The following PLCG2 variants were observed in gnomAD, a reference collection of about 807,000 sequenced individuals.
PLCG2 encodes 1-phosphatidylinositol 4,5-bisphosphate phosphodiesterase gamma-2.
Under a neutral mutation model 175.6 loss-of-function variants are expected in PLCG2, and 69 were observed. The observed-to-expected ratio is 0.39, with a 90% CI of 0.32 to 0.48. PLCG2 has a LOEUF of 0.48. Among genes scored for constraint, PLCG2 ranks in the 20% least tolerant of loss-of-function variants. The pLI is 0.91. For missense variants in PLCG2, 1,798 were observed against 1,650.9 expected (o/e 1.09, Z -1.54); for synonymous variants, 827 against 624.0 (o/e 1.33, Z -4.85).
chr16:81,860,642 G>C (rs1187552649), intron 5 of PLCG2, among the ~76,000 whole-genome samples: 1 of 151,998 alleles, frequency 6.6e-6, no homozygotes, highest in Non-Finnish European at 1.5e-5. Flanking sequence ...TTATGTTTTT[G>C]AGGTATGATT....
At chr16:81,786,798 G>C (rs981608030) in intron 2 of PLCG2, among the ~76,000 whole-genome samples, 1 of 152,192 alleles carries the variant, frequency 6.6e-6, no homozygotes, top group African/African-American at 2.4e-5. Flanking sequence ...GCAATTTTCA[G>C]TTGCAAATAT....
chr16:81,852,592 G>C (rs1431996032), intron 2 of PLCG2, among the ~76,000 whole-genome samples: 1 of 152,160 alleles, frequency 6.6e-6, no homozygotes, highest in Admixed American at 6.5e-5. Flanking sequence ...TGCCTGGTAG[G>C]TTTTGACCAG....
At chr16:81,788,442 G>A (rs375439405) in intron 2 of PLCG2, among the ~76,000 whole-genome samples, 42 of 152,146 alleles carry the variant, frequency 2.8e-4, no homozygotes, top group African/African-American at 9.2e-4. Context: ...CACCACGCCC[G>A]GCTAATTTTT....
intron 13 of PLCG2, chr16:81,897,842 A>C (rs1447534452): frequency 2.2e-6 from 1 of 455,576 alleles, no homozygotes; most frequent in Non-Finnish European, 4.4e-6. Context: ...ACCGTGCCCA[A>C]CCCGATTGGT....
At chr16:81,864,798 G>A (rs533299711) in intron 5 of PLCG2, among the ~76,000 whole-genome samples, 168 of 152,314 alleles carry the variant, frequency 1.1e-3, no homozygotes, top group Middle Eastern at 6.8e-3. Context: ...GGCTGCCTGG[G>A]TGCGGGAGTT....
chr16:81,880,777 C>T, intron 7 of PLCG2, 133 bp from the exon 8 acceptor site: 2 of 770,278 alleles, frequency 2.6e-6, no homozygotes, highest in Non-Finnish European at 4.3e-6. Context: ...CAACTAACAT[C>T]AACTAAAATG....
intron 8 of PLCG2, among the ~76,000 whole-genome samples, chr16:81,881,683 C>T (rs547706484): frequency 1.8e-4 from 28 of 152,312 alleles, no homozygotes; most frequent in South Asian, 1.2e-3. Context: ...CTCCCTTTGT[C>T]GCCTAGGCTG....
At chr16:81,745,404 T>C (rs73604546) in intron 1 of PLCG2, among the ~76,000 whole-genome samples, 3,468 of 152,266 alleles carry the variant, frequency 0.023, 127 homozygotes, top group African/African-American at 0.078. Context: ...TCCTCTGCCT[T>C]TCCCAAGTTG....
rs752632064 is a variant in PLCG2, at chr16:81,895,932, G to C, written c.1193+5G>C. ...CCACGCCTTTGTTACCTCGAGGTCA[G>C]TTGGCTGATTTCTGGGTGGTGTGAC... On this transcript the variant is annotated splice_donor_5th_base_variant and intron_variant, in intron 13 of 32. Coordinates refer to ENST00000564138, the MANE Select transcript of PLCG2 (RefSeq NM_002661.5). 2.5e-6 allele frequency: 4 copies of C among 1,614,118 alleles called. No individual in the cohort carries two copies. The South Asian group carries it at 4.4e-5, about 18-fold the overall frequency.
At chr16:81,874,261 C>T (rs936648074) in intron 7 of PLCG2, among the ~76,000 whole-genome samples, 11 of 152,198 alleles carry the variant, frequency 7.2e-5, no homozygotes, top group African/African-American at 1.7e-4. Flanking sequence ...GAACGGTCCA[C>T]TTTCTCTGTA....
At chr16:81,923,343 C>T in intron 21 of PLCG2, 142 bp from the exon 22 acceptor site, 3 of 580,110 alleles carry the variant, frequency 5.2e-6, no homozygotes, top group Middle Eastern at 2.9e-4. Flanking sequence ...AATGCCAGTC[C>T]CTCTCCAGCA....
chr16:81,873,548 T>A (rs1907620788), intron 7 of PLCG2, among the ~76,000 whole-genome samples: 1 of 150,622 alleles, frequency 6.6e-6, no homozygotes, highest in Non-Finnish European at 1.5e-5. Context: ...TAGTTGCAAA[T>A]AACAGTTTTT....
At chr16:81,897,891 G>T (rs1288740500) in intron 13 of PLCG2, 4 of 455,136 alleles carry the variant, frequency 8.8e-6, no homozygotes, top group South Asian at 6.2e-5. Flanking sequence ...CCTTGAGCTG[G>T]GTGGAGGTGT....
rs989268990 is a variant in PLCG2 at position 81,903,017 on chromosome 16, G to C, written c.1362+2237G>C. Among the ~76,000 whole-genome samples the C allele has an allele frequency of 3.3e-5, 5 of 152,270 alleles. No individual in the cohort carries two copies. In the East Asian group the frequency reaches 7.7e-4, roughly 23 times the overall value. On this transcript the variant is annotated intron_variant, in intron 14 of 32. Coordinates refer to ENST00000564138, the MANE Select transcript of PLCG2 (RefSeq NM_002661.5). ...CTCCTATGACACGTGGGAATTATAG[G>C]AGCTGCAATTCAAGGTGAGATTTGG...
chr16:81,777,648 C>T (rs534672770), upstream of PLCG2, among the ~76,000 whole-genome samples: 1 of 104,134 alleles, frequency 9.6e-6, no homozygotes, highest in African/African-American at 4.2e-5. Context: ...ATCCACAGAT[C>T]TTGTGAAGTC....
intron 2 of PLCG2, among the ~76,000 whole-genome samples, chr16:81,794,850 C>T (rs1037955311): frequency 2.0e-5 from 3 of 152,186 alleles, no homozygotes; most frequent in Admixed American, 2.0e-4. Flanking sequence ...CCTTCCTGCA[C>T]CCGATGGATT....
At position 81,907,692 on chromosome 16, in the gene PLCG2, C is replaced by T. The variant is rs1368273226; in HGVS notation, c.1475C>T (p.Thr492Ile). 3 of 1,612,634 alleles carry T rather than the reference C, an allele frequency of 1.9e-6. No homozygotes were observed. The highest frequency in any genetic ancestry group is 2.5e-6 in the Non-Finnish European group (3 of 1,178,626). Residue 492 changes from threonine (T) to isoleucine (I), a missense_variant, in exon 16 of 33, where the codon ACT becomes ATT. Coordinates refer to ENST00000564138, the MANE Select transcript of PLCG2 (RefSeq NM_002661.5). Reference protein sequence around the residue: ...YMWDSIDQKWTRHYCAIADAK... With the variant: ...YMWDSIDQKWIRHYCAIADAK... ...ACCAGTTTCACTTTCTAGAAATGGA[C>T]TCGGCACTACTGCGCCATTGCCGAT...
At chr16:81,806,193 G>A (rs1047696823) in intron 2 of PLCG2, among the ~76,000 whole-genome samples, 24 of 151,954 alleles carry the variant, frequency 1.6e-4, no homozygotes, top group African/African-American at 5.8e-4. Flanking sequence ...AGCCACATGT[G>A]GCTAGTGGCT....
intron 5 of PLCG2, among the ~76,000 whole-genome samples, chr16:81,866,791 C>T (rs1463080428): frequency 2.0e-5 from 3 of 152,242 alleles, no homozygotes; most frequent in Non-Finnish European, 2.9e-5. Flanking sequence ...CATGATCTGG[C>T]TCCTCTCCCC....
Sources: allele counts gnomAD v4.1 joint callset (sites outside exome capture counted in the v4.1 genomes callset), GRCh38; gene constraint gnomAD v4.1.1; transcripts MANE v1.5; gene names NCBI Gene and HGNC (gene_info 2026-07-23, HGNC 2026-07-21).